The following LARGE1 variants were observed in gnomAD, a reference collection of about 807,000 sequenced individuals.
LARGE1 encodes the protein LARGE xylosyl- and glucuronyltransferase 1.
LARGE1 carries 43 observed loss-of-function variants against 87.6 expected under a neutral mutation model. The ratio of observed to expected loss-of-function variants is 0.49; its 90% CI spans 0.38 to 0.63. The LOEUF (loss-of-function observed/expected upper bound fraction) is 0.63, where lower values mean the gene tolerates loss of function less well. Among genes scored for constraint, LARGE1 ranks in the 30% least tolerant of loss-of-function variants. The probability of loss-of-function intolerance (pLI) is 0.00; values close to 1 mark genes in which losing one functional copy is unlikely to be tolerated. For synonymous variants in LARGE1, 434 were observed against 394.6 expected, an observed-to-expected ratio of 1.10 and a Z score of -1.18; for missense variants, 802 against 1,000.2, an observed-to-expected ratio of 0.80 and a Z score of 2.67.
intron 6 of LARGE1, among the ~76,000 whole-genome samples, chr22:33,536,976 T>G (rs1477888219): frequency 6.6e-6 from 1 of 152,174 alleles, no homozygotes; most frequent in Non-Finnish European, 1.5e-5. Flanking sequence ...CACGCCTGGC[T>G]AATTTTGTAT....
At chr22:33,383,451 T>C (rs1308326781) in intron 8 of LARGE1, among the ~76,000 whole-genome samples, 2 of 151,920 alleles carry the variant, frequency 1.3e-5, no homozygotes, top group African/African-American at 2.4e-5. Context: ...TCCTAGCGAC[T>C]TGGGAGGCTG....
chr22:33,649,315 C>A (rs931434470), intron 3 of LARGE1, among the ~76,000 whole-genome samples: 1 of 152,184 alleles, frequency 6.6e-6, no homozygotes, highest in Non-Finnish European at 1.5e-5. Flanking sequence ...TACTAATAAT[C>A]CCATTCACTA....
chr22:33,528,256 G>A (rs1241470085), intron 6 of LARGE1, among the ~76,000 whole-genome samples: 5 of 152,058 alleles, frequency 3.3e-5, no homozygotes, highest in South Asian at 2.1e-4. Context: ...ATAAAGGGTC[G>A]CAGCCTGCAT....
At chr22:33,115,649 C>T in the LARGE1 span, among the ~76,000 whole-genome samples, 1 of 151,538 alleles carries the variant, frequency 6.6e-6, no homozygotes, top group African/African-American at 2.4e-5. Flanking sequence ...AACCTCGTCT[C>T]TACTAAAAAT....
chr22:33,892,824 A>AT (rs1252331251), intron 1 of LARGE1, among the ~76,000 whole-genome samples: 1 of 152,192 alleles, frequency 6.6e-6, no homozygotes, highest in Non-Finnish European at 1.5e-5. Context: ...TCACAGTGTT[A>AT]TTTTTTCATG....
chr22:33,724,647 G>T (rs574450604), intron 2 of LARGE1, among the ~76,000 whole-genome samples: 1 of 152,190 alleles, frequency 6.6e-6, no homozygotes, highest in Non-Finnish European at 1.5e-5. Context: ...GTGAACAAAG[G>T]CTCTGCATGC....
chr22:33,676,569 G>C (rs2081584959), intron 2 of LARGE1, among the ~76,000 whole-genome samples: 1 of 149,368 alleles, frequency 6.7e-6, no homozygotes. Flanking sequence ...AGCAGGTACA[G>C]GAAAAGAAAA....
intron 1 of LARGE1, among the ~76,000 whole-genome samples, chr22:33,762,602 A>C (rs2084773851): frequency 6.6e-6 from 1 of 152,180 alleles, no homozygotes. Context: ...AGAATCACAG[A>C]AACCATCAAA....
chr22:33,381,905 T>C lies in LARGE1; in HGVS notation c.1131+14A>G. 6.2e-7 allele frequency: 1 copy of C among 1,613,916 alleles called. No individual in the cohort carries two copies. Among genetic ancestry groups the C allele is most frequent in the Non-Finnish European group, 8.5e-7 (1 of 1,179,970 alleles). ...CTCACCCTACCTCCAGGGATGTCCC[T>C]GTGTTGACCCTACCTTTAGATCAGA... On this transcript the variant is annotated intron_variant, in intron 9 of 14. Coordinates refer to ENST00000397394, the MANE Select transcript of LARGE1 (RefSeq NM_133642.5).
chr22:33,490,555 C>T (rs1487233924), intron 6 of LARGE1, among the ~76,000 whole-genome samples: 3 of 152,206 alleles, frequency 2.0e-5, no homozygotes, highest in Admixed American at 2.0e-4. Flanking sequence ...AACTACATCA[C>T]TCCATTCATT....
intron 1 of LARGE1, among the ~76,000 whole-genome samples, chr22:33,914,019 T>A (rs2065713310): frequency 6.6e-6 from 1 of 152,192 alleles, no homozygotes; most frequent in Non-Finnish European, 1.5e-5. Context: ...TTATCTCAAA[T>A]TATTTAGTTT....
intron 1 of LARGE1, among the ~76,000 whole-genome samples, chr22:33,771,969 C>T (rs1464704250): frequency 3.3e-5 from 5 of 152,196 alleles, no homozygotes; most frequent in Admixed American, 2.6e-4. Flanking sequence ...TGCCACTATA[C>T]GAATCGAAGC....
intron 2 of LARGE1, among the ~76,000 whole-genome samples, chr22:33,732,002 T>C (rs1485766501): frequency 1.3e-5 from 2 of 152,232 alleles, no homozygotes; most frequent in Non-Finnish European, 1.5e-5. Flanking sequence ...AATGCCTTGC[T>C]TTTATTCAGC....
chr22:33,233,026 A>AAAG (rs1468758987), intron 11 of LARGE1, among the ~76,000 whole-genome samples: 4 of 152,172 alleles, frequency 2.6e-5, no homozygotes, highest in Non-Finnish European at 5.9e-5. Flanking sequence ...GAAAAGCTTC[A>AAAG]AAGGTTGAAT....
chr22:33,360,753 C>T lies in LARGE1; in HGVS notation c.1131+21166G>A, dbSNP rs568724956. Among the ~76,000 whole-genome samples, 20 of 149,634 alleles carry T rather than the reference C, an allele frequency of 1.3e-4. 1 individual carries two copies. The highest frequency in any genetic ancestry group is 2.5e-4 in the Non-Finnish European group (17 of 67,106). ...TTAAGTGAAAATGCTATATAAACTGCGTGATGTTTGCAGATAATTGCAGTT... is the reference window on the plus strand; with the variant it reads ...TTAAGTGAAAATGCTATATAAACTGTGTGATGTTTGCAGATAATTGCAGTT... On this transcript the variant is annotated intron_variant, in intron 9 of 14. Coordinates refer to ENST00000397394, the MANE Select transcript of LARGE1 (RefSeq NM_133642.5).
chr22:33,313,029 C>A (rs748481295), intron 11 of LARGE1, among the ~76,000 whole-genome samples: 1 of 152,168 alleles, frequency 6.6e-6, no homozygotes, highest in Non-Finnish European at 1.5e-5. Context: ...TATGGAGACA[C>A]ACAGGATGCC....
intron 6 of LARGE1, among the ~76,000 whole-genome samples, chr22:33,438,491 T>G (rs940439072): frequency 1.1e-4 from 17 of 152,186 alleles, no homozygotes; most frequent in African/African-American, 3.6e-4. Context: ...ACATCACTAC[T>G]AACAGTCAGA....
chr22:33,824,626 C>T lies in LARGE1; in HGVS notation c.-82-63068G>A, dbSNP rs552753469. Among the ~76,000 whole-genome samples the T allele has an allele frequency of 5.3e-5, 8 of 152,092 alleles. No homozygotes were observed. In the East Asian group the frequency reaches 1.2e-3, roughly 22 times the overall value. On this transcript the variant is annotated intron_variant, in intron 1 of 14. Transcript: ENST00000397394. ...TCACCTGTAGACATTCATTGAGGACCTGTGCTGGAACCACATGACCCCCAC... is the reference window on the plus strand; with the variant it reads ...TCACCTGTAGACATTCATTGAGGACTTGTGCTGGAACCACATGACCCCCAC...
chr22:33,358,718 G>T (rs1344271789), intron 9 of LARGE1, among the ~76,000 whole-genome samples: 1 of 152,026 alleles, frequency 6.6e-6, no homozygotes, highest in Non-Finnish European at 1.5e-5. Context: ...AAATGTCCTG[G>T]CCGGGTGCAG....
Sources: allele counts gnomAD v4.1 joint callset (sites outside exome capture counted in the v4.1 genomes callset), GRCh38; gene constraint gnomAD v4.1.1; transcripts MANE v1.5; gene names NCBI Gene and HGNC (gene_info 2026-07-23, HGNC 2026-07-21).